The following EPHA6 variants were observed in gnomAD, a reference collection of about 807,000 sequenced individuals.
The protein encoded by EPHA6 is EPH receptor A6.
Under a neutral mutation model 112.0 loss-of-function variants are expected in EPHA6, and 50 were observed. The ratio of observed to expected loss-of-function variants is 0.45; its 90% CI spans 0.36 to 0.56. The LOEUF (loss-of-function observed/expected upper bound fraction) is 0.56, where lower values mean the gene tolerates loss of function less well. EPHA6 is among the 20% of genes least tolerant of loss of function. The probability of loss-of-function intolerance (pLI) is 0.00; values close to 1 mark genes in which losing one functional copy is unlikely to be tolerated. For missense variants in EPHA6, 1,280 were observed against 1,417.4 expected, an observed-to-expected ratio of 0.90 and a Z score of 1.56; for synonymous variants, 529 against 490.7, an observed-to-expected ratio of 1.08 and a Z score of -1.03.
At chr3:97,118,389 C>A (rs2047953102) in intron 3 of EPHA6, among the ~76,000 whole-genome samples, 1 of 151,710 alleles carries the variant, frequency 6.6e-6, no homozygotes, top group Non-Finnish European at 1.5e-5. Context: ...ACCTTAAAAA[C>A]TACCTATCTC....
chr3:97,406,337 A>G (rs956773311), intron 6 of EPHA6, among the ~76,000 whole-genome samples: 2 of 152,190 alleles, frequency 1.3e-5, no homozygotes, highest in Non-Finnish European at 2.9e-5. Flanking sequence ...GCATCTGGAA[A>G]GGAACTTCTT....
At position 97,732,915 on chromosome 3, in the gene EPHA6, C is replaced by T. The variant is rs115392828; in HGVS notation, c.2935-3010C>T. Among the ~76,000 whole-genome samples the T allele has an allele frequency of 2.7e-3, 412 of 152,048 alleles. 1 individual carries two copies. The highest frequency in any genetic ancestry group is 0.014 in the Middle Eastern group (4 of 294). On this transcript the variant is annotated intron_variant, in intron 15 of 17. Transcript: ENST00000389672. ...CCTGTCCCTGGCTCAAGACAGATTT[C>T]GCAAGGCTGTAAATTAAAGAATTGA...
In EPHA6 at chr3:97,756,185, G is replaced by T. The variant is rs2036021154; in HGVS notation, c.*7484G>T. Among the ~76,000 whole-genome samples the T allele has an allele frequency of 6.6e-6, 1 of 151,780 alleles. No homozygotes were observed. The highest frequency in any genetic ancestry group is 1.5e-5 in the Non-Finnish European group (1 of 67,784). On this transcript the variant is annotated 3_prime_UTR_variant, in exon 18 of 18. Transcript: ENST00000389672. ...TAAAGTCATGAGGAAGTTTTTCTTT[G>T]ACTGTGCATGCTTTATTTATTACCA...
rs200646254 is a variant in EPHA6 at position 97,637,102 on chromosome 3, A to G, written c.2575-771A>G. Among the ~76,000 whole-genome samples, 9 of 152,256 alleles carry G rather than the reference A, an allele frequency of 5.9e-5. No homozygotes were observed. In the East Asian group the frequency reaches 1.7e-3, roughly 29 times the overall value. On this transcript the variant is annotated intron_variant, in intron 13 of 17. Transcript: ENST00000389672. ...ATTGGGTATTTTTTAACTCTTTAAA[A>G]TGAAAACATTATTTTAAAATCAAGG...
chr3:97,684,245 T>C (rs2032085893), intron 14 of EPHA6, among the ~76,000 whole-genome samples: 2 of 152,104 alleles, frequency 1.3e-5, no homozygotes, highest in Admixed American at 6.6e-5. Context: ...GGTAAATTAA[T>C]GAATATAAGA....
At chr3:96,862,002 C>A (rs1410552191) in intron 1 of EPHA6, among the ~76,000 whole-genome samples, 1 of 151,664 alleles carries the variant, frequency 6.6e-6, no homozygotes, top group African/African-American at 2.4e-5. Context: ...TTATATATAT[C>A]TGAAAGTAAA....
At chr3:97,262,369 A>G (rs1045671419) in intron 5 of EPHA6, among the ~76,000 whole-genome samples, 1 of 152,166 alleles carries the variant, frequency 6.6e-6, no homozygotes. Flanking sequence ...TGTTTTTGCT[A>G]TTCATCAATA....
At chr3:97,121,951 T>G (rs2048052916) in intron 3 of EPHA6, among the ~76,000 whole-genome samples, 1 of 152,058 alleles carries the variant, frequency 6.6e-6, no homozygotes, top group Non-Finnish European at 1.5e-5. Context: ...ATTCATCACA[T>G]TATTTTCTAC....
chr3:97,025,056 T>C (rs549861070), intron 3 of EPHA6, among the ~76,000 whole-genome samples: 1 of 152,292 alleles, frequency 6.6e-6, no homozygotes, highest in East Asian at 1.9e-4. Flanking sequence ...GGATTTCAGA[T>C]TGACTGAGTT....
chr3:97,366,832 C>T (rs949847109), intron 5 of EPHA6, among the ~76,000 whole-genome samples: 2 of 152,134 alleles, frequency 1.3e-5, no homozygotes, highest in East Asian at 1.9e-4. Context: ...TTGAAAACGG[C>T]ATACCCTTAA....
intron 14 of EPHA6, among the ~76,000 whole-genome samples, chr3:97,709,196 T>G (rs2107758807): frequency 6.7e-6 from 1 of 150,230 alleles, no homozygotes; most frequent in East Asian, 2.0e-4. Flanking sequence ...AACGCCAGCC[T>G]GTGAAAGCAG....
At chr3:97,488,999 A>C (rs1310356848) in intron 10 of EPHA6, among the ~76,000 whole-genome samples, 2 of 152,236 alleles carry the variant, frequency 1.3e-5, no homozygotes, top group East Asian at 3.8e-4. Context: ...CTCAGATATG[A>C]ATCACAGCTT....
chr3:97,547,538 C>T (rs1254015749), intron 11 of EPHA6, among the ~76,000 whole-genome samples: 3 of 152,168 alleles, frequency 2.0e-5, no homozygotes, highest in Admixed American at 6.5e-5. Flanking sequence ...AGGCAGTCTG[C>T]CTGTTCTCAG....
chr3:97,005,320 G>A (rs141242307), intron 3 of EPHA6, among the ~76,000 whole-genome samples: 1 of 152,080 alleles, frequency 6.6e-6, no homozygotes, highest in Non-Finnish European at 1.5e-5. Flanking sequence ...TCTCCTTGAA[G>A]AGGTCCTTCA....
At chr3:96,846,161 C>A (rs2035061977) in intron 1 of EPHA6, among the ~76,000 whole-genome samples, 1 of 151,964 alleles carries the variant, frequency 6.6e-6, no homozygotes, top group African/African-American at 2.4e-5. Flanking sequence ...AATTTTGCTT[C>A]TTTTCTGTAT....
chr3:97,729,205 C>A (rs78907352), intron 15 of EPHA6, among the ~76,000 whole-genome samples: 1 of 151,860 alleles, frequency 6.6e-6, no homozygotes, highest in Non-Finnish European at 1.5e-5. Flanking sequence ...TATTAGTATA[C>A]CTAATTTCAT....
chr3:96,994,759 A>AGAGAGAGAGAGC (rs763682996), intron 3 of EPHA6, among the ~76,000 whole-genome samples: 1,167 of 116,012 alleles, frequency 0.01, 37 homozygotes, highest in African/African-American at 0.02. Context: ...AGAGAGAGAG[A>AGAGAGAGAGAGC]GAGCTATATA....
chr3:97,102,902 T>A (rs1443816244), intron 3 of EPHA6, among the ~76,000 whole-genome samples: 2 of 152,160 alleles, frequency 1.3e-5, no homozygotes, highest in African/African-American at 4.8e-5. Flanking sequence ...TTTATTCATT[T>A]GCTTTTTGGC....
intron 2 of EPHA6, among the ~76,000 whole-genome samples, chr3:96,949,453 T>G (rs1282055666): frequency 6.6e-6 from 1 of 152,012 alleles, no homozygotes; most frequent in African/African-American, 2.4e-5. Context: ...TAAAGTTAGG[T>G]TAATAATAAT....
Sources: allele counts gnomAD v4.1 joint callset (sites outside exome capture counted in the v4.1 genomes callset), GRCh38; gene constraint gnomAD v4.1.1; transcripts MANE v1.5; gene names NCBI Gene and HGNC (gene_info 2026-07-23, HGNC 2026-07-21).